The following FRAS1 variants were observed in gnomAD, a reference collection of about 807,000 sequenced individuals.
The protein encoded by FRAS1 is extracellular matrix organizing protein FRAS1.
A neutral mutation model predicts 435.2 loss-of-function variants in FRAS1; 290 were observed. The observed-to-expected ratio is 0.67, with a 90% CI of 0.61 to 0.73. The LOEUF (loss-of-function observed/expected upper bound fraction) is 0.73, where lower values mean the gene tolerates loss of function less well. FRAS1 is among the 30% of genes least tolerant of loss of function. The probability of loss-of-function intolerance (pLI) is 0.00; values close to 1 mark genes in which losing one functional copy is unlikely to be tolerated. For synonymous variants in FRAS1, 1,800 were observed against 1,851.0 expected (o/e 0.97, Z 0.71); for missense variants, 4,860 against 5,001.5 (o/e 0.97, Z 0.85).
chr4:78,518,566 A>C (rs1721291423), intron 66 of FRAS1, among the ~76,000 whole-genome samples: 1 of 152,000 alleles, frequency 6.6e-6, no homozygotes, highest in African/African-American at 2.4e-5. Flanking sequence ...AGCTTCTGCT[A>C]CCATTCTGTT....
At chr4:78,520,970 C>G (rs1401810173) in intron 67 of FRAS1, among the ~76,000 whole-genome samples, 2 of 152,136 alleles carry the variant, frequency 1.3e-5, no homozygotes, top group African/African-American at 4.8e-5. Flanking sequence ...CCTTACGTTA[C>G]TCTTTGGTTT....
At chr4:78,469,712 G>A (rs1719644453) in intron 50 of FRAS1, among the ~76,000 whole-genome samples, 1 of 152,042 alleles carries the variant, frequency 6.6e-6, no homozygotes, top group Non-Finnish European at 1.5e-5. Context: ...TCCATAGCAG[G>A]TGAAATGACA....
Position 78,440,026 on chromosome 4 carries a change from T to C in FRAS1, c.5529+962T>C, listed in dbSNP as rs1001520805. ...TAAAACTAAGTCATTTCTTTTTTTT[T>C]TTTTTTTTTTTTTTTGAGACGGAGT... is the stretch of plus-strand genomic sequence containing the variant. On this transcript the variant is annotated intron_variant, in intron 40 of 73. Transcript: ENST00000512123. Among the ~76,000 whole-genome samples, 466 of 143,314 alleles carry C rather than the reference T, an allele frequency of 3.3e-3. 2 individuals are homozygous for C. The highest frequency in any genetic ancestry group is 0.01 in the African/African-American group (405 of 38,794). The allele number at this position is 143,314 out of a possible 152,430, so 94.0% of individuals were successfully genotyped here.
At chr4:78,464,322 G>C in intron 48 of FRAS1, 121 bp from the exon 49 acceptor site, 1 of 1,437,736 alleles carries the variant, frequency 7.0e-7, no homozygotes, top group Non-Finnish European at 9.5e-7. Context: ...TCACTCTGGG[G>C]CTCCTAATTA....
At chr4:78,177,759 T>C (rs1286191997) in intron 2 of FRAS1, among the ~76,000 whole-genome samples, 1 of 152,176 alleles carries the variant, frequency 6.6e-6, no homozygotes, top group Admixed American at 6.5e-5. Flanking sequence ...TCCTTTCAGG[T>C]GCCTCACCAC....
intron 33 of FRAS1, 35 bp downstream of exon 33, chr4:78,419,098 T>C (rs1733662782): frequency 2.5e-6 from 3 of 1,212,140 alleles, no homozygotes; most frequent in Middle Eastern, 1.9e-4. Context: ...TTGAGTGATA[T>C]TATTATCTTC....
rs1733813372 is a variant in FRAS1 at position 78,422,110 on chromosome 4, T to G, written c.4678+110T>G. ...CTCTGGACCATTTGGTGCCCCTGCT[T>G]TCTAGCTATTCAAAATAGCTTGAGA... On this transcript the variant is annotated intron_variant, in intron 34 of 73. Coordinates refer to ENST00000512123, the MANE Select transcript of FRAS1 (RefSeq NM_025074.7). 14 of 1,128,732 alleles carry G rather than the reference T, an allele frequency of 1.2e-5. No individual in the cohort carries two copies. In the South Asian group the frequency reaches 3.1e-4, roughly 25 times the overall value. 69.9% of individuals were successfully genotyped at this position (1,128,732 alleles called of 1,614,324 possible).
intron 2 of FRAS1, among the ~76,000 whole-genome samples, chr4:78,174,910 C>T (rs546052469): frequency 3.3e-5 from 5 of 152,334 alleles, no homozygotes; most frequent in Admixed American, 3.3e-4. Context: ...GAATTTTCTT[C>T]TAGCAGCATC....
At chr4:78,278,462 G>A (rs187399647) in intron 9 of FRAS1, among the ~76,000 whole-genome samples, 193 bp from the exon 10 acceptor site, 2 of 152,330 alleles carry the variant, frequency 1.3e-5, no homozygotes, top group East Asian at 3.9e-4. Flanking sequence ...AAAAGCACAT[G>A]GAGGAGTGTG....
At chr4:78,370,033 A>G (rs1450718081) in intron 23 of FRAS1, 49 bp downstream of exon 23, 13 of 1,554,342 alleles carry the variant, frequency 8.4e-6, no homozygotes, top group Non-Finnish European at 1.1e-5. Context: ...CAGTGATACC[A>G]CTTTACTACT....
chr4:78,209,989 G>GCCTAAGCTCTTTATC (rs1723435528), intron 2 of FRAS1, among the ~76,000 whole-genome samples: 1 of 152,146 alleles, frequency 6.6e-6, no homozygotes, highest in Admixed American at 6.5e-5. Flanking sequence ...TAGCAGAGTT[G>GCCTAAGCTCTTTATC]CCTAAGCTCT....
In FRAS1 at chr4:78,534,510, A is replaced by C; in HGVS notation, c.10987A>C (p.Asn3663His). Residue 3663 changes from asparagine (N) to histidine (H), a missense_variant, in exon 71 of 74, where the codon AAC becomes CAC. By Grantham distance (68) the Asn-to-His change is moderately conservative (BLOSUM62 1). Transcript: ENST00000512123. ...CCCTGTGCCAGTTGTGTATTCACTT[A>C]ACACTGAATTTCAGCTCTGCAATAA... is the stretch of plus-strand genomic sequence containing the variant. Reference protein sequence around the residue: ...NRPVPVVYSLNTEFQLCNNEK... With the variant: ...NRPVPVVYSLHTEFQLCNNEK... 1 of 1,613,604 alleles carries C rather than the reference A, an allele frequency of 6.2e-7. No homozygotes were observed. The highest frequency in any genetic ancestry group is 2.2e-5 in the East Asian group (1 of 44,884).
chr4:78,279,016 C>T (rs1727196357), intron 10 of FRAS1, among the ~76,000 whole-genome samples: 1 of 152,110 alleles, frequency 6.6e-6, no homozygotes, highest in African/African-American at 2.4e-5. Flanking sequence ...AGGAGCACTA[C>T]ATAGAAGAAT....
At chr4:78,415,902 G>A (rs1733535105) in intron 32 of FRAS1, among the ~76,000 whole-genome samples, 1 of 152,088 alleles carries the variant, frequency 6.6e-6, no homozygotes. Flanking sequence ...GGCTATTGCA[G>A]TCATCTAGAG....
At position 78,470,005 on chromosome 4, in the gene FRAS1, C is replaced by G. The variant is rs760890625; in HGVS notation, c.7285C>G (p.Arg2429Gly). 3.1e-6 allele frequency: 5 copies of G among 1,613,580 alleles called. No individual in the cohort carries two copies. The South Asian group carries it at 5.5e-5, about 18-fold the overall frequency. ...TATGACAGCAGCACCTCAGCCGTTC[C>G]GAGTAGACATCCTCCCGGTAGATGA... ...EIMTAAPQPF[R>G]VDILPVDDGT... The change falls in exon 51 of 74, where the codon CGA becomes GGA. Residue 2429 changes from arginine to glycine, a missense_variant. Arg to Gly is a moderately radical substitution (Grantham distance 125). Coordinates refer to ENST00000512123, the MANE Select transcript of FRAS1 (RefSeq NM_025074.7).
chr4:78,293,483 G>C (rs951944192), intron 14 of FRAS1, among the ~76,000 whole-genome samples: 3 of 152,136 alleles, frequency 2.0e-5, no homozygotes, highest in Non-Finnish European at 4.4e-5. Flanking sequence ...GTGGCCTCAG[G>C]ATAATTACAG....
intron 2 of FRAS1, chr4:78,071,543 G>C (rs1740349176): frequency 6.6e-6 from 1 of 152,168 alleles, no homozygotes; most frequent in Non-Finnish European, 1.5e-5. Context: ...TAAATTAAGA[G>C]AGTTAGGTTA....
At chr4:78,331,452 C>T (rs1211724260) in intron 18 of FRAS1, among the ~76,000 whole-genome samples, 1 of 152,154 alleles carries the variant, frequency 6.6e-6, no homozygotes, top group African/African-American at 2.4e-5. Context: ...CTTAGGGCAA[C>T]AGTCATATAC....
intron 66 of FRAS1, among the ~76,000 whole-genome samples, chr4:78,516,933 C>G (rs1163192344): frequency 6.6e-6 from 1 of 152,148 alleles, no homozygotes; most frequent in Non-Finnish European, 1.5e-5. Flanking sequence ...TTAGTGACAA[C>G]TGAAAAATTT....
Sources: allele counts gnomAD v4.1 joint callset (sites outside exome capture counted in the v4.1 genomes callset), GRCh38; gene constraint gnomAD v4.1.1; transcripts MANE v1.5; gene names NCBI Gene and HGNC (gene_info 2026-07-23, HGNC 2026-07-21).